HOMER1: variants seen among roughly 807,000 people sequenced by gnomAD.
The protein encoded by HOMER1 is homer scaffold protein 1, also known as homer protein homolog 1.
In HOMER1, 3 loss-of-function variants were observed where a neutral mutation model predicts 48.9. The observed-to-expected ratio is 0.06, with a 90% CI of 0.03 to 0.16. The LOEUF (loss-of-function observed/expected upper bound fraction) is 0.16. Among genes scored for constraint, HOMER1 ranks in the 10% least tolerant of loss-of-function variants. The pLI is 1.00. For synonymous variants in HOMER1, 134 were observed against 146.4 expected, an observed-to-expected ratio of 0.92 and a Z score of 0.61; for missense variants, 247 against 411.4, an observed-to-expected ratio of 0.60 and a Z score of 3.46.
At chr5:79,449,826 G>A (rs1001230926) in intron 3 of HOMER1, among the ~76,000 whole-genome samples, 10 of 152,048 alleles carry the variant, frequency 6.6e-5, no homozygotes, top group African/African-American at 2.4e-4. Context: ...TCACCAAGGC[G>A]AAAGTTAAAA....
chr5:79,511,788 G>A (rs1251021245), intron 1 of HOMER1, among the ~76,000 whole-genome samples: 1 of 152,182 alleles, frequency 6.6e-6, no homozygotes, highest in Non-Finnish European at 1.5e-5. Flanking sequence ...AGTTTCAAGC[G>A]TGTGTACACA....
chr5:79,421,274 A>G (rs776155335), intron 5 of HOMER1, among the ~76,000 whole-genome samples: 1 of 152,228 alleles, frequency 6.6e-6, no homozygotes, highest in Non-Finnish European at 1.5e-5. Context: ...AGATACCCTT[A>G]CATTCAAATC....
intron 6 of HOMER1, among the ~76,000 whole-genome samples, chr5:79,400,093 T>TG (rs1554057356): frequency 1.3e-4 from 20 of 151,744 alleles, no homozygotes; most frequent in Admixed American, 2.6e-4. Flanking sequence ...AAATTTTTTT[T>TG]TGTGGTAAAA....
At chr5:79,479,717 T>C (rs965813524) in intron 1 of HOMER1, among the ~76,000 whole-genome samples, 3 of 152,226 alleles carry the variant, frequency 2.0e-5, no homozygotes, top group Non-Finnish European at 2.9e-5. Flanking sequence ...TAATTTCTTA[T>C]AGTAGATATA....
At chr5:79,469,549 T>G (rs1292540761) in intron 1 of HOMER1, among the ~76,000 whole-genome samples, 1 of 152,234 alleles carries the variant, frequency 6.6e-6, no homozygotes, top group Non-Finnish European at 1.5e-5. Flanking sequence ...ATCTGTTATT[T>G]TATGTATGGT....
At chr5:79,434,655 T>C (rs1309463463) in intron 5 of HOMER1, among the ~76,000 whole-genome samples, 1 of 152,168 alleles carries the variant, frequency 6.6e-6, no homozygotes, top group Non-Finnish European at 1.5e-5. Flanking sequence ...GATCTCCCTT[T>C]TTTACACGTC....
intron 1 of HOMER1, among the ~76,000 whole-genome samples, chr5:79,461,698 G>A (rs1358203082): frequency 6.6e-6 from 1 of 152,028 alleles, no homozygotes; most frequent in East Asian, 1.9e-4. Context: ...AAATTCTGAG[G>A]TAAATATCTC....
At chr5:79,397,252 C>T (rs1291934150) in intron 7 of HOMER1, among the ~76,000 whole-genome samples, 1 of 152,088 alleles carries the variant, frequency 6.6e-6, no homozygotes, top group Non-Finnish European at 1.5e-5. Context: ...ATCCATTTAA[C>T]CCCTAATGAT....
At chr5:79,391,561 G>A (rs540308973) in intron 8 of HOMER1, among the ~76,000 whole-genome samples, 4 of 151,852 alleles carry the variant, frequency 2.6e-5, no homozygotes, top group South Asian at 4.2e-4. Context: ...TGGCTAACAC[G>A]GTGAAACTCC....
At chr5:79,398,262 A>G (rs938888197) in intron 6 of HOMER1, among the ~76,000 whole-genome samples, 1 of 151,934 alleles carries the variant, frequency 6.6e-6, no homozygotes, top group Non-Finnish European at 1.5e-5. Context: ...CCTTCAAGTT[A>G]TACCATCTAA....
At chr5:79,426,662 A>AT (rs1050782669) in intron 5 of HOMER1, among the ~76,000 whole-genome samples, 1 of 152,102 alleles carries the variant, frequency 6.6e-6, no homozygotes, top group African/African-American at 2.4e-5. Flanking sequence ...GGAGTGGGAG[A>AT]TAAAAAGGGG....
In HOMER1 at chr5:79,497,795, T is replaced by A. The variant is rs369150176; in HGVS notation, c.5+14975A>T. Among the ~76,000 whole-genome samples the A allele has an allele frequency of 1.4e-4, 21 of 152,198 alleles. No homozygotes were observed. The East Asian group carries it at 2.3e-3, about 17-fold the overall frequency. ...TTCAGGAGTCACTGAAGCTTTTGAA[T>A]GGACAAAAGTTTCTCACGTTTGATT... is the stretch of plus-strand genomic sequence containing the variant. On this transcript the variant is annotated intron_variant, in intron 1 of 8. Coordinates refer to ENST00000334082, the MANE Select transcript of HOMER1 (RefSeq NM_004272.5).
At chr5:79,391,419 C>T (rs759449004) in intron 8 of HOMER1, among the ~76,000 whole-genome samples, 3 of 151,398 alleles carry the variant, frequency 2.0e-5, no homozygotes, top group Non-Finnish European at 2.9e-5. Context: ...TGTGAACCAC[C>T]GCGCCTGGCC....
chr5:79,392,605 G>A lies in HOMER1; in HGVS notation c.876+4218C>T, dbSNP rs531940405. On this transcript the variant is annotated intron_variant, in intron 8 of 8. Transcript: ENST00000334082. ...AAGTTAAAATGTTACAGTAAGCTAAGGCTAATTTATTATTGAAGAAATAAC... is the reference window on the plus strand; with the variant it reads ...AAGTTAAAATGTTACAGTAAGCTAAAGCTAATTTATTATTGAAGAAATAAC... 4.6e-5 allele frequency among the ~76,000 whole-genome samples: 7 copies of A among 152,146 alleles called. No individual in the cohort carries two copies. The East Asian group carries it at 1.3e-3, about 29-fold the overall frequency.
rs1752913299 is a variant in HOMER1, at chr5:79,510,586, G to A, written c.5+2184C>T. On this transcript the variant is annotated intron_variant, in intron 1 of 8. Coordinates refer to ENST00000334082, the MANE Select transcript of HOMER1 (RefSeq NM_004272.5). ...TGCAGTTTGCCAAGAAACACAACAAGAAGGGCCTAAAGAAGATGCAGGCTA... is the reference window on the plus strand; with the variant it reads ...TGCAGTTTGCCAAGAAACACAACAAAAAGGGCCTAAAGAAGATGCAGGCTA... 6 of 813,150 alleles carry A rather than the reference G, an allele frequency of 7.4e-6. No homozygotes were observed. The East Asian group carries it at 1.5e-4, about 20-fold the overall frequency. 50.4% of individuals were successfully genotyped at this position (813,150 alleles called of 1,614,324 possible). A position where few individuals can be genotyped will look rare whatever the true frequency, so the allele number is the denominator to read the frequency against.
intron 1 of HOMER1, among the ~76,000 whole-genome samples, chr5:79,475,752 T>C (rs1285323932): frequency 1.3e-5 from 2 of 152,180 alleles, no homozygotes; most frequent in Non-Finnish European, 2.9e-5. Flanking sequence ...ACTAGGATAA[T>C]TGTAATGACT....
At position 79,489,782 on chromosome 5, in the gene HOMER1, A is replaced by G. The variant is rs140257788; in HGVS notation, c.5+22988T>C. On this transcript the variant is annotated intron_variant, in intron 1 of 8. Transcript: ENST00000334082. Reference sequence around the variant, plus strand: ...TAGACTACAACATTCAAAATTACTAAAAGAGAAAAACAGTCCCTCTGGTGT... The same window carrying G: ...TAGACTACAACATTCAAAATTACTAGAAGAGAAAAACAGTCCCTCTGGTGT... 5.4e-4 allele frequency among the ~76,000 whole-genome samples: 83 copies of G among 152,320 alleles called. 1 individual carries two copies. The highest frequency in any genetic ancestry group is 1.3e-3 in the African/African-American group (55 of 41,580).
chr5:79,429,084 G>C (rs1366723410), intron 5 of HOMER1, among the ~76,000 whole-genome samples: 1 of 152,190 alleles, frequency 6.6e-6, no homozygotes, highest in Admixed American at 6.5e-5. Flanking sequence ...GACAGCGTAG[G>C]CCGGGCACAG....
intron 1 of HOMER1, among the ~76,000 whole-genome samples, chr5:79,489,288 T>C (rs540278149): frequency 6.6e-6 from 1 of 152,310 alleles, no homozygotes; most frequent in East Asian, 1.9e-4. Context: ...TGGATTACTG[T>C]ACTAAGTGGT....
Sources: gnomAD v4.1 joint callset for allele counts (sites outside exome capture counted in the v4.1 genomes callset) on GRCh38, gnomAD v4.1.1 for gene constraint, MANE v1.5 for transcripts, NCBI Gene and HGNC (gene_info 2026-07-23, HGNC 2026-07-21) for gene names.